Variants in FGGY observed in about 807,000 individuals in gnomAD.
FGGY encodes the protein FGGY carbohydrate kinase domain-containing protein.
A neutral mutation model predicts 71.3 loss-of-function variants in FGGY; 72 were observed. The observed-to-expected ratio is 1.01, with a 90% CI of 0.84 to 1.23. The LOEUF (loss-of-function observed/expected upper bound fraction) is 1.23, where lower values mean the gene tolerates loss of function less well. Among genes scored for constraint, FGGY ranks in the 50% most tolerant of loss-of-function variants. The pLI, the probability that FGGY is intolerant of heterozygous loss-of-function variation, is 0.00. For synonymous variants in FGGY, 251 were observed against 250.3 expected, an observed-to-expected ratio of 1.00 and a Z score of -0.02; for missense variants, 668 against 682.3, an observed-to-expected ratio of 0.98 and a Z score of 0.23.
intron 14 of FGGY, among the ~76,000 whole-genome samples, chr1:59,738,286 T>C (rs1056442019): frequency 2.0e-5 from 3 of 152,258 alleles, no homozygotes; most frequent in South Asian, 4.1e-4. Context: ...TCATAATATA[T>C]GAATAAATGA....
intron 4 of FGGY, among the ~76,000 whole-genome samples, chr1:59,362,929 ATT>A (rs920025973): frequency 1.3e-5 from 2 of 152,146 alleles, no homozygotes; most frequent in African/African-American, 4.8e-5. Flanking sequence ...CTGACAGACC[ATT>A]TTTTTGCAAA....
At chr1:59,729,440 A>C (rs2097996025) in intron 14 of FGGY, among the ~76,000 whole-genome samples, 1 of 152,108 alleles carries the variant, frequency 6.6e-6, no homozygotes, top group Admixed American at 6.6e-5. Flanking sequence ...TATTTTGTTG[A>C]AACATGGATA....
At chr1:59,424,568 A>T (rs2066017044) in intron 5 of FGGY, among the ~76,000 whole-genome samples, 1 of 152,144 alleles carries the variant, frequency 6.6e-6, no homozygotes, top group Non-Finnish European at 1.5e-5. Context: ...TAAATAAAAT[A>T]AAAGAATGAG....
At chr1:59,756,236 A>C (rs919207376) in intron 14 of FGGY, among the ~76,000 whole-genome samples, 3 of 151,902 alleles carry the variant, frequency 2.0e-5, no homozygotes, top group Non-Finnish European at 2.9e-5. Flanking sequence ...TCTCCTCCCT[A>C]CTTAAGGCTG....
intron 1 of FGGY, chr1:59,318,545 G>GGTA (rs1408101910): frequency 6.6e-6 from 1 of 152,228 alleles, no homozygotes; most frequent in African/African-American, 2.4e-5. Flanking sequence ...TCAGAATGTG[G>GGTA]GTAGGGTGGT....
rs1362624215 is a variant in FGGY at position 59,301,894 on chromosome 1, TTTC to T, written c.-15+4747_-15+4749del. Among the ~76,000 whole-genome samples the T allele has an allele frequency of 1.6e-3, 235 of 143,460 alleles. 2 individuals are homozygous for T. Among genetic ancestry groups the T allele is most frequent in the African/African-American group, 5.6e-3 (227 of 40,820 alleles). 94.1% of individuals were successfully genotyped at this position (143,460 alleles called of 152,430 possible). A position where few individuals can be genotyped will look rare whatever the true frequency, so the allele number is the denominator to read the frequency against. Reference sequence around the variant, plus strand: ...ACACCCAGCTGATTTTGTATTTTTCTTTCTTTCTTTTTTTTTTTTTTAAGTAGA... The same window carrying T: ...ACACCCAGCTGATTTTGTATTTTTCTTTTCTTTTTTTTTTTTTTAAGTAGA... On this transcript the variant is annotated intron_variant, in intron 1 of 15. Transcript: ENST00000303721.
intron 5 of FGGY, among the ~76,000 whole-genome samples, chr1:59,391,910 T>C (rs987214451): frequency 6.6e-6 from 1 of 152,230 alleles, no homozygotes; most frequent in Non-Finnish European, 1.5e-5. Context: ...ATAGATATGA[T>C]ACTATATTCT....
chr1:59,386,329 T>G (rs1470030596), intron 5 of FGGY, among the ~76,000 whole-genome samples: 1 of 152,214 alleles, frequency 6.6e-6, no homozygotes, highest in East Asian at 1.9e-4. Context: ...TCATGTATAT[T>G]GTTGGATGTC....
At chr1:59,607,052 G>A (rs1215394212) in intron 8 of FGGY, among the ~76,000 whole-genome samples, 1 of 152,180 alleles carries the variant, frequency 6.6e-6, no homozygotes, top group Non-Finnish European at 1.5e-5. Context: ...TCCCCCAAAT[G>A]CTAAGTTACA....
intron 14 of FGGY, among the ~76,000 whole-genome samples, chr1:59,693,593 G>A (rs1573308121): frequency 2.0e-5 from 3 of 152,080 alleles, no homozygotes; most frequent in Non-Finnish European, 2.9e-5. Context: ...AATCATATAC[G>A]TGCATAGAAC....
chr1:59,400,578 A>G (rs928135695), intron 5 of FGGY, among the ~76,000 whole-genome samples: 10 of 150,738 alleles, frequency 6.6e-5, no homozygotes, highest in African/African-American at 2.2e-4. Context: ...TTTTTTGTTA[A>G]GTTTATATCA....
chr1:59,600,171 C>T (rs753541447), intron 8 of FGGY, among the ~76,000 whole-genome samples: 1 of 152,062 alleles, frequency 6.6e-6, no homozygotes, highest in Non-Finnish European at 1.5e-5. Flanking sequence ...GCTGGACTAA[C>T]GTAGTGGCAA....
Position 59,677,117 on chromosome 1 carries a change from T to C in FGGY, c.1512+2984T>C, listed in dbSNP as rs556237783. Among the ~76,000 whole-genome samples, 4 of 152,354 alleles carry C rather than the reference T, an allele frequency of 2.6e-5. No individual in the cohort carries two copies. In the South Asian group the frequency reaches 8.3e-4, roughly 32 times the overall value. ...AATGAAAATGCATGTAGACTTGGCG[T>C]CATTTGCTCCCCTCCAAAGAAGAGG... On this transcript the variant is annotated intron_variant, in intron 14 of 15. Coordinates refer to ENST00000303721, the MANE Select transcript of FGGY (RefSeq NM_018291.5).
intron 13 of FGGY, among the ~76,000 whole-genome samples, chr1:59,672,693 A>G (rs1235541398): frequency 1.3e-5 from 2 of 152,092 alleles, no homozygotes; most frequent in Non-Finnish European, 2.9e-5. Context: ...TTGAGTGGGG[A>G]AGTAATGGGA....
chr1:59,463,320 T>C (rs1228939753), intron 6 of FGGY, among the ~76,000 whole-genome samples: 1 of 152,158 alleles, frequency 6.6e-6, no homozygotes, highest in Non-Finnish European at 1.5e-5. Flanking sequence ...CTGAGAGATT[T>C]TGTCACCACC....
At chr1:59,312,828 A>G (rs2044623582) in intron 1 of FGGY, among the ~76,000 whole-genome samples, 1 of 152,186 alleles carries the variant, frequency 6.6e-6, no homozygotes, top group South Asian at 2.1e-4. Flanking sequence ...AAACTGGCTC[A>G]GTTTGGATTC....
intron 8 of FGGY, among the ~76,000 whole-genome samples, chr1:59,598,968 C>T (rs577877284): frequency 1.3e-5 from 2 of 152,322 alleles, no homozygotes; most frequent in East Asian, 3.9e-4. Context: ...TGACAAGCTA[C>T]AATACAGGAA....
intron 10 of FGGY, among the ~76,000 whole-genome samples, chr1:59,630,301 A>G (rs868783775): frequency 3.3e-4 from 50 of 152,112 alleles, no homozygotes; most frequent in African/African-American, 1.2e-3. Flanking sequence ...ATCAACTACT[A>G]CTATTACTAC....
chr1:59,624,229 G>A (rs942563068), intron 9 of FGGY, among the ~76,000 whole-genome samples: 4 of 152,006 alleles, frequency 2.6e-5, no homozygotes, highest in African/African-American at 9.7e-5. Context: ...TGGAAGTTCA[G>A]TAGACAATAT....
Sources: gnomAD v4.1 joint callset for allele counts (sites outside exome capture counted in the v4.1 genomes callset) on GRCh38, gnomAD v4.1.1 for gene constraint, MANE v1.5 for transcripts, NCBI Gene and HGNC (gene_info 2026-07-23, HGNC 2026-07-21) for gene names.